The following SPATA22 variants were observed in gnomAD, a reference collection of about 807,000 sequenced individuals.
SPATA22 encodes the protein spermatogenesis-associated protein 22.
SPATA22 carries 29 observed loss-of-function variants against 47.8 expected under a neutral mutation model. That is an observed-to-expected ratio of 0.61 (90% CI 0.45 to 0.83). The LOEUF (loss-of-function observed/expected upper bound fraction) is 0.83, where lower values mean the gene tolerates loss of function less well. Among genes scored for constraint, SPATA22 ranks in the 40% least tolerant of loss-of-function variants. The probability of loss-of-function intolerance (pLI) is 0.00; values close to 1 mark genes in which losing one functional copy is unlikely to be tolerated. For synonymous variants in SPATA22, 133 were observed against 140.9 expected (o/e 0.94, Z 0.40); for missense variants, 410 against 421.7 (o/e 0.97, Z 0.24).
intron 1 of SPATA22, among the ~76,000 whole-genome samples, chr17:3,510,013 G>GT (rs938584960): frequency 3.3e-5 from 5 of 152,038 alleles, no homozygotes; most frequent in African/African-American, 1.2e-4. Flanking sequence ...TGATGGGGTT[G>GT]TTTTTTTCTT....
chr17:3,460,792 CAAA>C (rs71379504), intron 5 of SPATA22, among the ~76,000 whole-genome samples: 1 of 60,094 alleles, frequency 1.7e-5, no homozygotes, highest in Admixed American at 2.2e-4. Flanking sequence ...GATCCAGTCT[CAAA>C]AAAAAAAAAA....
intron 1 of SPATA22, chr17:3,489,097 A>G (rs956754065): frequency 1.7e-6 from 1 of 602,416 alleles, no homozygotes; most frequent in Non-Finnish European, 2.9e-6. Context: ...TGTCTCAAAT[A>G]TTTTCCATGA....
intron 6 of SPATA22, among the ~76,000 whole-genome samples, chr17:3,446,906 C>T (rs1466002590): frequency 6.6e-6 from 1 of 152,090 alleles, no homozygotes; most frequent in East Asian, 1.9e-4. Flanking sequence ...ATAGGTAAGG[C>T]CATTCCTTTC....
At chr17:3,443,028 A>G (rs1251986571) in intron 8 of SPATA22, 146 bp downstream of exon 8, 1 of 608,660 alleles carries the variant, frequency 1.6e-6, no homozygotes, top group Non-Finnish European at 2.8e-6. Context: ...TCTATATTAT[A>G]AAAATAAACA....
At chr17:3,498,940 T>C in intron 1 of SPATA22, 2 of 1,612,428 alleles carry the variant, frequency 1.2e-6, no homozygotes, top group Non-Finnish European at 1.7e-6. Flanking sequence ...TTTTTAACTC[T>C]TGATGGGAAG....
chr17:3,489,155 T>C, intron 1 of SPATA22: 1 of 872,286 alleles, frequency 1.1e-6, no homozygotes, highest in Non-Finnish European at 1.9e-6. Flanking sequence ...TAATTCTAAA[T>C]CTTGATACAT....
At chr17:3,446,966 T>C (rs2072740107) in intron 6 of SPATA22, among the ~76,000 whole-genome samples, 1 of 152,122 alleles carries the variant, frequency 6.6e-6, no homozygotes, top group Non-Finnish European at 1.5e-5. Flanking sequence ...CCAGACACAT[T>C]CATTCATTCA....
chr17:3,494,899 T>A (rs1031969312), intron 1 of SPATA22, among the ~76,000 whole-genome samples: 7 of 152,176 alleles, frequency 4.6e-5, no homozygotes, highest in Non-Finnish European at 1.0e-4. Context: ...CCCACAGCCA[T>A]GTAGCTATCA....
intron 1 of SPATA22, chr17:3,481,529 A>G (rs1195873540): frequency 4.3e-6 from 6 of 1,398,914 alleles, no homozygotes; most frequent in Non-Finnish European, 5.9e-6. Flanking sequence ...TTCTTTTTAC[A>G]CTGTGTTCTT....
At chr17:3,442,981 C>T (rs1324622598) in intron 8 of SPATA22, among the ~76,000 whole-genome samples, 193 bp downstream of exon 8, 1 of 151,926 alleles carries the variant, frequency 6.6e-6, no homozygotes, top group African/African-American at 2.4e-5. Context: ...CTTTATATCC[C>T]TCAAACCCAG....
intron 6 of SPATA22, among the ~76,000 whole-genome samples, chr17:3,447,988 A>C (rs979655153): frequency 3.3e-5 from 5 of 152,210 alleles, no homozygotes; most frequent in African/African-American, 1.2e-4. Flanking sequence ...CAGGGAGCAG[A>C]GATGAGGAAT....
At chr17:3,479,323 G>A (rs766469414) in intron 1 of SPATA22, among the ~76,000 whole-genome samples, 41 of 152,260 alleles carry the variant, frequency 2.7e-4, no homozygotes, top group Middle Eastern at 3.4e-3. Flanking sequence ...ACTCAAATGC[G>A]GAAGAATGAT....
chr17:3,504,318 T>C (rs528503843), intron 1 of SPATA22, among the ~76,000 whole-genome samples: 56 of 152,278 alleles, frequency 3.7e-4, no homozygotes, highest in African/African-American at 1.3e-3. Flanking sequence ...GTTGAATAAA[T>C]GAGCATGCTC....
chr17:3,440,218 T>C lies in SPATA22; in HGVS notation c.1021A>G (p.Thr341Ala). 6.2e-7 allele frequency: 1 copy of C among 1,611,012 alleles called. No homozygotes were observed. Among genetic ancestry groups the C allele is most frequent in the Non-Finnish European group, 8.5e-7 (1 of 1,178,644 alleles). The change falls in exon 9 of 9, where the codon ACT becomes GCT. Residue 341 changes from threonine (T) to alanine (A), a missense_variant. Thr to Ala is a moderately conservative substitution (Grantham distance 58). Coordinates refer to ENST00000572969, the MANE Select transcript of SPATA22 (RefSeq NM_001170698.2). ...GCAATTTTGACAAATGCCTGGAAAG[T>C]TTTTTGTTCAGAAACAGACGCCGGT... ...VRPASVSEQK[T>A]FQAFVKIADV... is the part of the protein sequence containing the mutation.
intron 5 of SPATA22, among the ~76,000 whole-genome samples, chr17:3,461,188 T>G (rs2073117854): frequency 6.6e-6 from 1 of 152,214 alleles, no homozygotes; most frequent in African/African-American, 2.4e-5. Flanking sequence ...TGACACATAC[T>G]AAAAAATTCC....
intron 5 of SPATA22, among the ~76,000 whole-genome samples, chr17:3,449,704 T>C (rs2072812253): frequency 6.6e-6 from 1 of 152,196 alleles, no homozygotes; most frequent in Admixed American, 6.5e-5. Context: ...ATAATGTATT[T>C]GGTACAGCAT....
At chr17:3,481,944 G>A (rs759598132) in intron 1 of SPATA22, 8 of 738,030 alleles carry the variant, frequency 1.1e-5, no homozygotes, top group African/African-American at 1.8e-5. Context: ...TGGTTGGGGG[G>A]AAAGGGTGCT....
intron 3 of SPATA22, among the ~76,000 whole-genome samples, chr17:3,466,914 C>T (rs549243751): frequency 1.3e-5 from 2 of 152,278 alleles, no homozygotes; most frequent in South Asian, 4.1e-4. Flanking sequence ...GGGGGGATCA[C>T]ATTTGGACCA....
In SPATA22 at chr17:3,483,481, G is replaced by A. The variant is rs774585283; in HGVS notation, c.-73-14083C>T. The A allele has an allele frequency of 2.4e-5, 39 of 1,607,118 alleles. No individual in the cohort carries two copies. Among genetic ancestry groups the A allele is most frequent in the Non-Finnish European group, 3.3e-5 (39 of 1,173,874 alleles). ...CATACGGTTTTTACCTAAGAAAGAC[G>A]TTTTTGATTTTTTTCAGACTTCTCT... On this transcript the variant is annotated intron_variant, in intron 1 of 8. Coordinates refer to the SPATA22 transcript ENST00000541913.
Sources: gnomAD v4.1 joint callset for allele counts (sites outside exome capture counted in the v4.1 genomes callset) on GRCh38, gnomAD v4.1.1 for gene constraint, MANE v1.5 for transcripts, NCBI Gene and HGNC (gene_info 2026-07-23, HGNC 2026-07-21) for gene names.